The following NRG1 variants were observed in gnomAD, a reference collection of about 807,000 sequenced individuals.
NRG1 encodes neuregulin 1, also known as pro-neuregulin-1, membrane-bound isoform.
NRG1 carries 18 observed loss-of-function variants against 63.8 expected under a neutral mutation model. The ratio of observed to expected loss-of-function variants is 0.28; its 90% CI spans 0.19 to 0.42. NRG1 has a LOEUF of 0.42. Among genes scored for constraint, NRG1 ranks in the 10% least tolerant of loss-of-function variants. The probability of loss-of-function intolerance (pLI) is 1.00; values close to 1 mark genes in which losing one functional copy is unlikely to be tolerated. For synonymous variants in NRG1, 302 were observed against 301.3 expected (o/e 1.00, Z -0.02); for missense variants, 762 against 814.7 (o/e 0.94, Z 0.79).
At chr8:32,370,031 A>G (rs1248214860) in intron 1 of NRG1, among the ~76,000 whole-genome samples, 1 of 152,184 alleles carries the variant, frequency 6.6e-6, no homozygotes, top group East Asian at 1.9e-4. Context: ...GGTTCAGAGA[A>G]AAGAAAAAAA....
At chr8:31,680,733 T>C (rs1410185560) in intron 1 of NRG1, among the ~76,000 whole-genome samples, 3 of 152,064 alleles carry the variant, frequency 2.0e-5, no homozygotes, top group African/African-American at 7.2e-5. Context: ...TCCACAATGG[T>C]TGAACTACTT....
At chr8:31,751,439 T>G (rs895640451) in intron 1 of NRG1, among the ~76,000 whole-genome samples, 1 of 151,834 alleles carries the variant, frequency 6.6e-6, no homozygotes, top group Admixed American at 6.6e-5. Flanking sequence ...GGGATGGAGC[T>G]TAAAAATAAG....
intron 1 of NRG1, among the ~76,000 whole-genome samples, chr8:32,539,884 A>G (rs1341672238): frequency 6.6e-6 from 1 of 152,224 alleles, no homozygotes; most frequent in Non-Finnish European, 1.5e-5. Flanking sequence ...TGAGTGTATC[A>G]ATGTCCCCTA....
At chr8:31,763,794 C>A (rs1817784464) in intron 1 of NRG1, among the ~76,000 whole-genome samples, 1 of 151,966 alleles carries the variant, frequency 6.6e-6, no homozygotes, top group South Asian at 2.1e-4. Flanking sequence ...ACTAAAAATA[C>A]AAAAAATTAG....
chr8:31,815,241 C>G (rs904886405), intron 1 of NRG1, among the ~76,000 whole-genome samples: 1 of 152,106 alleles, frequency 6.6e-6, no homozygotes, highest in Non-Finnish European at 1.5e-5. Context: ...TAAGCAATAA[C>G]TCCCCATTCC....
intron 5 of NRG1, among the ~76,000 whole-genome samples, chr8:32,679,994 G>A (rs1238032951): frequency 2.0e-5 from 3 of 152,114 alleles, no homozygotes. Context: ...TTGACATTGA[G>A]GATGTCATTT....
chr8:32,123,340 G>T (rs991042042), intron 1 of NRG1, among the ~76,000 whole-genome samples: 4 of 151,856 alleles, frequency 2.6e-5, no homozygotes, highest in African/African-American at 7.3e-5. Flanking sequence ...AGTCTCATGA[G>T]ATCTGATGAT....
intron 1 of NRG1, among the ~76,000 whole-genome samples, chr8:32,130,487 C>T (rs963636206): frequency 2.6e-5 from 4 of 151,724 alleles, no homozygotes; most frequent in African/African-American, 9.7e-5. Flanking sequence ...GGTGGTAATA[C>T]TGAGGTCAGG....
intron 5 of NRG1, among the ~76,000 whole-genome samples, chr8:32,707,010 T>A (rs569935706): frequency 2.6e-5 from 4 of 152,224 alleles, no homozygotes; most frequent in African/African-American, 7.2e-5. Context: ...TTTATTTTTT[T>A]AATTCCATTA....
chr8:31,660,178 C>A (rs985031145), intron 1 of NRG1, among the ~76,000 whole-genome samples: 1 of 152,166 alleles, frequency 6.6e-6, no homozygotes, highest in African/African-American at 2.4e-5. Flanking sequence ...CCCTGCCCTC[C>A]GTAATTCAGT....
chr8:32,742,650 A>G lies in NRG1; in HGVS notation c.633-25A>G, dbSNP rs1301869012. 3 of 1,603,444 alleles carry G rather than the reference A, an allele frequency of 1.9e-6. No individual in the cohort carries two copies. Among genetic ancestry groups the G allele is most frequent in the East Asian group, 2.2e-5 (1 of 44,800 alleles). ...TTCTCTTTTTCTCTGTTTTTCTACC[A>G]TTGTTTTTTTGTTTCTTCTCTCAGG... On this transcript the variant is annotated intron_variant, in intron 6 of 11. Transcript: ENST00000356819. This position sits in a 1 kb window ranked among gnomAD's most constrained non-coding sequence, Gnocchi z 4.2.
intron 1 of NRG1, among the ~76,000 whole-genome samples, chr8:31,859,932 G>T (rs1563494929): frequency 6.6e-6 from 1 of 152,052 alleles, no homozygotes; most frequent in Non-Finnish European, 1.5e-5. Flanking sequence ...AGCCTGCTTA[G>T]TTTTTTTTCC....
At chr8:32,140,100 T>C (rs949784883) in intron 1 of NRG1, among the ~76,000 whole-genome samples, 2 of 152,134 alleles carry the variant, frequency 1.3e-5, no homozygotes, top group African/African-American at 4.8e-5. Flanking sequence ...CATTTATGTC[T>C]AGTCCCTCAC....
intron 1 of NRG1, among the ~76,000 whole-genome samples, chr8:32,593,651 C>CGAAATAAATAAATAAA (rs1554596229): frequency 4.6e-5 from 7 of 151,596 alleles, no homozygotes; most frequent in African/African-American, 1.7e-4. Context: ...AAGATCCTGT[C>CGAAATAAATAAATAAA]TAAATAAATA....
chr8:32,749,004 A>G, intron 7 of NRG1: 1 of 185,380 alleles, frequency 5.4e-6, no homozygotes, highest in Non-Finnish European at 1.1e-5. Context: ...AATGAGCAAG[A>G]AGTATTTGAG....
At chr8:32,576,352 T>C (rs1839633210) in intron 1 of NRG1, among the ~76,000 whole-genome samples, 1 of 152,174 alleles carries the variant, frequency 6.6e-6, no homozygotes, top group Non-Finnish European at 1.5e-5. Flanking sequence ...AAAAAATAAT[T>C]TTTAAACCCT....
At chr8:32,263,152 A>C (rs1279731012) in intron 1 of NRG1, among the ~76,000 whole-genome samples, 1 of 152,210 alleles carries the variant, frequency 6.6e-6, no homozygotes, top group African/African-American at 2.4e-5. Flanking sequence ...AATGAATGAC[A>C]GACACTGTGC....
At chr8:32,404,339 A>G (rs918254999) in intron 1 of NRG1, among the ~76,000 whole-genome samples, 15 of 152,114 alleles carry the variant, frequency 9.9e-5, no homozygotes, top group African/African-American at 3.6e-4. Context: ...TGTATTTTAT[A>G]TACCTCTCTT....
At chr8:31,825,679 A>G (rs989092025) in intron 1 of NRG1, among the ~76,000 whole-genome samples, 4 of 152,154 alleles carry the variant, frequency 2.6e-5, no homozygotes, top group Non-Finnish European at 4.4e-5. Flanking sequence ...AGAGGAGAGG[A>G]GAGAGAAAGA....
Sources: allele counts gnomAD v4.1 joint callset (sites outside exome capture counted in the v4.1 genomes callset), GRCh38; gene constraint gnomAD v4.1.1; non-coding constraint Gnocchi (gnomAD v3.1); transcripts MANE v1.5; gene names NCBI Gene and HGNC (gene_info 2026-07-23, HGNC 2026-07-21).